The following USP7 variants were observed in gnomAD, a reference collection of about 807,000 sequenced individuals.
USP7 encodes the protein ubiquitin C-terminal hydrolase 7.
USP7 carries 9 observed loss-of-function variants against 162.9 expected under a neutral mutation model. The ratio of observed to expected loss-of-function variants is 0.06; its 90% CI spans 0.03 to 0.10. USP7 has a LOEUF of 0.10. USP7 is among the 10% of genes least tolerant of loss of function. The pLI is 1.00. For synonymous variants in USP7, 562 were observed against 475.9 expected (o/e 1.18, Z -2.35); for missense variants, 715 against 1,373.7 (o/e 0.52, Z 7.58).
At chr16:8,903,824 G>A (rs1418834642) in intron 15 of USP7, among the ~76,000 whole-genome samples, 2 of 149,336 alleles carry the variant, frequency 1.3e-5, no homozygotes, top group Admixed American at 6.7e-5. Flanking sequence ...CAGAGATCGC[G>A]CCACTGCACT....
intron 3 of USP7, among the ~76,000 whole-genome samples, chr16:8,922,678 G>A (rs1295558091): frequency 6.6e-6 from 1 of 152,172 alleles, no homozygotes; most frequent in East Asian, 1.9e-4. Flanking sequence ...GAATCAACTG[G>A]GTTTTTGATA....
intron 1 of USP7, among the ~76,000 whole-genome samples, chr16:8,937,127 C>G (rs1360445230): frequency 2.6e-5 from 4 of 152,164 alleles, no homozygotes; most frequent in African/African-American, 4.8e-5. Flanking sequence ...GGCACCTTAC[C>G]ACACATCAGT....
At chr16:8,901,584 T>G (rs910771090) in intron 18 of USP7, among the ~76,000 whole-genome samples, 2 of 152,036 alleles carry the variant, frequency 1.3e-5, no homozygotes, top group African/African-American at 2.4e-5. Flanking sequence ...GTCTTGTGTC[T>G]TTGCCAGAAG....
At chr16:8,912,127 T>C (rs2061956177) in intron 10 of USP7, among the ~76,000 whole-genome samples, 1 of 152,174 alleles carries the variant, frequency 6.6e-6, no homozygotes, top group African/African-American at 2.4e-5. Context: ...AAAACCACCA[T>C]GCCTGCTGTT....
At chr16:8,955,011 A>T (rs1264009740) in intron 1 of USP7, among the ~76,000 whole-genome samples, 1 of 152,172 alleles carries the variant, frequency 6.6e-6, no homozygotes, top group East Asian at 1.9e-4. Context: ...GTTTCACACA[A>T]CATTCTGCTC....
chr16:8,955,650 G>A (rs961310192), intron 1 of USP7, among the ~76,000 whole-genome samples: 1 of 137,154 alleles, frequency 7.3e-6, no homozygotes, highest in African/African-American at 2.7e-5. Flanking sequence ...AGGTTGCAGT[G>A]AGCCGAGATC....
At chr16:8,935,057 G>A (rs1467301704) in intron 1 of USP7, among the ~76,000 whole-genome samples, 1 of 152,188 alleles carries the variant, frequency 6.6e-6, no homozygotes, top group Non-Finnish European at 1.5e-5. Context: ...TTCTTTTATT[G>A]TTCAAGACAG....
intron 6 of USP7, among the ~76,000 whole-genome samples, chr16:8,918,393 G>A (rs1363100096): frequency 6.6e-6 from 1 of 152,012 alleles, no homozygotes; most frequent in Non-Finnish European, 1.5e-5. Flanking sequence ...TTCAATAAAA[G>A]TAAGTTGCAT....
At chr16:8,896,900 G>T (rs1201831070) in intron 26 of USP7, 99 bp downstream of exon 26, 6 of 902,856 alleles carry the variant, frequency 6.6e-6, no homozygotes, top group Non-Finnish European at 9.2e-6. Context: ...TGACGCGCAT[G>T]GATCCCAGCT....
At chr16:8,944,020 G>A (rs1899169784) in intron 1 of USP7, among the ~76,000 whole-genome samples, 1 of 151,906 alleles carries the variant, frequency 6.6e-6, no homozygotes, top group Non-Finnish European at 1.5e-5. Context: ...GACCAGCCTG[G>A]GCAAACATAG....
rs775317216 is a variant in USP7, at chr16:8,895,629, C to T, written c.2919+13G>A. 7 of 1,603,918 alleles carry T rather than the reference C, an allele frequency of 4.4e-6. No homozygotes were observed. Among genetic ancestry groups the T allele is most frequent in the African/African-American group, 4.0e-5 (3 of 74,566 alleles). On this transcript the variant is annotated intron_variant, in intron 27 of 30. Coordinates refer to ENST00000344836, the MANE Select transcript of USP7 (RefSeq NM_003470.3). ...GAATTCTCTCTGGTGCCAACAGTAT[C>T]GGGGACAGATACCTCTATTCGAAAC...
At chr16:8,922,628 T>C (rs1897760088) in intron 3 of USP7, among the ~76,000 whole-genome samples, 1 of 152,226 alleles carries the variant, frequency 6.6e-6, no homozygotes, top group Admixed American at 6.5e-5. Flanking sequence ...TTCCCCTGGT[T>C]CCAACTGCAG....
intron 2 of USP7, among the ~76,000 whole-genome samples, chr16:8,924,715 T>A (rs920927959): frequency 6.6e-6 from 1 of 152,250 alleles, no homozygotes; most frequent in Non-Finnish European, 1.5e-5. Context: ...TTGCTTGAAG[T>A]TTCTGACTGA....
At position 8,898,678 on chromosome 16, in the gene USP7, A is replaced by G. The variant is rs145185787; in HGVS notation, c.2532-39T>C. On this transcript the variant is annotated intron_variant, in intron 23 of 30. Transcript: ENST00000344836. ...CAGCATATAAATAAATGACTTGTTT[A>G]TTTGCCTAAAAACAAATATCTGTGA... 3.4e-4 allele frequency: 503 copies of G among 1,491,766 alleles called. 1 individual carries two copies. In the African/African-American group the frequency reaches 6.4e-3, roughly 19 times the overall value. 92.4% of individuals were successfully genotyped at this position (1,491,766 alleles called of 1,614,324 possible).
chr16:8,962,554 C>G (rs1567253233), intron 1 of USP7: 1 of 425,588 alleles, frequency 2.3e-6, no homozygotes, highest in Non-Finnish European at 4.8e-6. Context: ...CACACCTGGC[C>G]GGATGCTGGC....
intron 1 of USP7, among the ~76,000 whole-genome samples, chr16:8,956,884 A>T (rs368975487): frequency 1.2e-4 from 19 of 152,102 alleles, no homozygotes; most frequent in African/African-American, 4.6e-4. Context: ...CTCCCAGCGC[A>T]GCCTCAGCCA....
chr16:8,948,993 G>C (rs1051674458), intron 1 of USP7, among the ~76,000 whole-genome samples: 1 of 152,256 alleles, frequency 6.6e-6, no homozygotes, highest in African/African-American at 2.4e-5. Flanking sequence ...CACAGTCTAT[G>C]AAATGTCTAG....
At chr16:8,962,554 CGGATGCT>C (rs1434501017) in intron 1 of USP7, 1 of 425,588 alleles carries the variant, frequency 2.3e-6, no homozygotes, top group Non-Finnish European at 4.8e-6. Flanking sequence ...CACACCTGGC[CGGATGCT>C]GGCTGCACCA....
intron 26 of USP7, among the ~76,000 whole-genome samples, chr16:8,896,137 CTTTTTTTTT>C (rs60467243): frequency 1.6e-5 from 2 of 126,138 alleles, no homozygotes; most frequent in Non-Finnish European, 1.7e-5. Flanking sequence ...CCATGCCCAG[CTTTTTTTTT>C]TTTTTTTTTT....
Sources: gnomAD v4.1 joint callset for allele counts (sites outside exome capture counted in the v4.1 genomes callset) on GRCh38, gnomAD v4.1.1 for gene constraint, MANE v1.5 for transcripts, NCBI Gene and HGNC (gene_info 2026-07-23, HGNC 2026-07-21) for gene names.